EPS15: variants seen among roughly 807,000 people sequenced by gnomAD.
The protein encoded by EPS15 is epidermal growth factor receptor pathway substrate 15.
Under a neutral mutation model 113.8 loss-of-function variants are expected in EPS15, and 72 were observed. The ratio of observed to expected loss-of-function variants is 0.63; its 90% CI spans 0.52 to 0.77. The LOEUF is 0.77. EPS15 is among the 30% of genes least tolerant of loss of function. The probability of loss-of-function intolerance (pLI) is 0.00; values close to 1 mark genes in which losing one functional copy is unlikely to be tolerated. For synonymous variants in EPS15, 344 were observed against 363.4 expected (o/e 0.95, Z 0.61); for missense variants, 1,048 against 1,045.8 (o/e 1.00, Z -0.03).
At chr1:51,374,565 T>C (rs149642981) in intron 21 of EPS15, among the ~76,000 whole-genome samples, 1,699 of 152,038 alleles carry the variant, frequency 0.011, 30 homozygotes, top group African/African-American at 0.038. Flanking sequence ...GATTGCGCCA[T>C]TGCACTCCAG....
At position 51,393,437 on chromosome 1, in the gene EPS15, A is replaced by G. The variant is rs1055721376; in HGVS notation, c.2119+944T>C. On this transcript the variant is annotated intron_variant, in intron 21 of 24. Coordinates refer to ENST00000371733, the MANE Select transcript of EPS15 (RefSeq NM_001981.3). ...GTTGGCCAGGCTGGTCTCGACCTCA[A>G]GTGATCTACCTGCCTTGGTTTCCCA... is the stretch of plus-strand genomic sequence containing the variant. Among the ~76,000 whole-genome samples the G allele has an allele frequency of 7.2e-5, 11 of 152,180 alleles. 1 individual carries two copies. Among genetic ancestry groups the G allele is most frequent in the African/African-American group, 2.7e-4 (11 of 41,442 alleles).
chr1:51,417,805 G>A (rs2148444433), intron 13 of EPS15, among the ~76,000 whole-genome samples: 1 of 152,318 alleles, frequency 6.6e-6, no homozygotes, highest in South Asian at 2.1e-4. Flanking sequence ...ATAAGAAGGA[G>A]AATATATATG....
At chr1:51,395,837 T>A (rs1031695788) in intron 20 of EPS15, among the ~76,000 whole-genome samples, 6 of 152,228 alleles carry the variant, frequency 3.9e-5, no homozygotes, top group African/African-American at 1.4e-4. Context: ...AACATTTATA[T>A]GCAACTCTGA....
chr1:51,406,402 G>A (rs753955036), intron 15 of EPS15, among the ~76,000 whole-genome samples: 1 of 152,150 alleles, frequency 6.6e-6, no homozygotes, highest in Non-Finnish European at 1.5e-5. Flanking sequence ...CTTGAGCCCA[G>A]AGGTCAAGGC....
In EPS15 at chr1:51,421,801, CCT is replaced by C; in HGVS notation, c.1096_1097del (p.Arg366AspfsTer3). 1 of 1,593,248 alleles carries C rather than the reference CCT, an allele frequency of 6.3e-7. No individual in the cohort carries two copies. Among genetic ancestry groups the C allele is most frequent in the South Asian group, 1.2e-5 (1 of 86,598 alleles). On this transcript the variant is annotated frameshift_variant, in exon 13 of 25. Coordinates refer to ENST00000371733, the MANE Select transcript of EPS15 (RefSeq NM_001981.3). LOFTEE classifies it high-confidence loss of function. ...LKEKEDTIKQRTSEVQDLQDE... is the reference protein window; with the variant it reads ...LKEKEDTIKQXTSEVQDLQDE... ...GGTCACTTACCTGAACCTCACTTGT[CCT>C]CTGTTTAATAGTATCTTCCTTCTCC...
intron 22 of EPS15, among the ~76,000 whole-genome samples, chr1:51,364,968 T>C (rs777086268): frequency 5.9e-5 from 9 of 152,044 alleles, no homozygotes; most frequent in Non-Finnish European, 1.2e-4. Flanking sequence ...CAGCTGGGAT[T>C]ACAGGTGCGT....
chr1:51,425,131 A>T (rs1226485032), intron 12 of EPS15, among the ~76,000 whole-genome samples: 1 of 152,190 alleles, frequency 6.6e-6, no homozygotes, highest in Non-Finnish European at 1.5e-5. Flanking sequence ...ATAAAGAACA[A>T]GCCAAGAATA....
At position 51,463,717 on chromosome 1, in the gene EPS15, G is replaced by T; in HGVS notation, c.457C>A (p.Pro153Thr). ...GGTAACTTAGAGTTGAGCAACACTG[G>T]TTTCACTTTATCACCAGACAGAAAT... ...NGFLSGDKVK[P>T]VLLNSKLPVD... The change falls in exon 7 of 25, where the codon CCA (proline) becomes ACA (threonine). Residue 153 changes from proline (P) to threonine (T), a missense_variant. By Grantham distance (38) the Pro-to-Thr change is conservative (BLOSUM62 -1). Transcript: ENST00000371733. The T allele has an allele frequency of 6.2e-7, 1 of 1,600,840 alleles. No individual in the cohort carries two copies. Among genetic ancestry groups the T allele is most frequent in the East Asian group, 2.2e-5 (1 of 44,660 alleles).
At chr1:51,493,272 A>G (rs1371611332) in intron 1 of EPS15, among the ~76,000 whole-genome samples, 1 of 151,752 alleles carries the variant, frequency 6.6e-6, no homozygotes, top group Non-Finnish European at 1.5e-5. Context: ...GAGGCAGGAG[A>G]ATGGCGTGAA....
intron 21 of EPS15, among the ~76,000 whole-genome samples, chr1:51,380,362 T>C (rs182007605): frequency 1.3e-4 from 20 of 152,314 alleles, no homozygotes; most frequent in African/African-American, 4.8e-4. Context: ...TAAAAAATAG[T>C]ATTACTATAA....
chr1:51,447,689 G>A (rs754739425), intron 9 of EPS15, among the ~76,000 whole-genome samples: 7 of 152,164 alleles, frequency 4.6e-5, no homozygotes, highest in Non-Finnish European at 8.8e-5. Context: ...TGTTAGCATG[G>A]AGCATCTTCC....
In EPS15 at chr1:51,417,409, A is replaced by C. The variant is rs1650341374; in HGVS notation, c.1113+4377T>G. On this transcript the variant is annotated intron_variant, in intron 13 of 24. Coordinates refer to ENST00000371733, the MANE Select transcript of EPS15 (RefSeq NM_001981.3). ...AATTGTATACACAAAACCAAAGTTT[A>C]TTCACTTCTGCTGTGAACAGCTTCC... 5.3e-5 allele frequency among the ~76,000 whole-genome samples: 8 copies of C among 152,346 alleles called. No homozygotes were observed. The South Asian group carries it at 1.7e-3, about 32-fold the overall frequency.
intron 24 of EPS15, among the ~76,000 whole-genome samples, chr1:51,357,389 AAAATATATATATATAT>A (rs1413247936): frequency 1.6e-4 from 9 of 57,664 alleles, no homozygotes; most frequent in African/African-American, 3.7e-4. Flanking sequence ...AAAAAAAAAA[AAAATATATATATATAT>A]ATATATATAT....
At chr1:51,432,174 A>G (rs1044927702) in intron 12 of EPS15, among the ~76,000 whole-genome samples, 14 of 152,152 alleles carry the variant, frequency 9.2e-5, no homozygotes, top group African/African-American at 3.4e-4. Flanking sequence ...ATACATCTCA[A>G]TAATTATTGC....
chr1:51,381,390 C>T (rs139585156), intron 21 of EPS15, among the ~76,000 whole-genome samples: 3,195 of 152,116 alleles, frequency 0.021, 52 homozygotes, highest in Non-Finnish European at 0.031. Context: ...ATCAGGAGTT[C>T]GAGACCAGCC....
chr1:51,436,435 T>C (rs1490586815), intron 12 of EPS15, among the ~76,000 whole-genome samples: 2 of 152,092 alleles, frequency 1.3e-5, no homozygotes, highest in Admixed American at 6.5e-5. Flanking sequence ...TTCAACAATA[T>C]TGAAAAAATT....
intron 21 of EPS15, among the ~76,000 whole-genome samples, chr1:51,390,302 A>G (rs1409446681): frequency 6.6e-6 from 1 of 152,114 alleles, no homozygotes; most frequent in Non-Finnish European, 1.5e-5. Context: ...TACACCTTAT[A>G]CAAAAATTAA....
intron 22 of EPS15, 130 bp from the exon 23 acceptor site, chr1:51,364,158 A>C (rs1164982767): frequency 2.8e-6 from 2 of 706,810 alleles, no homozygotes; most frequent in African/African-American, 3.7e-5. Context: ...TGAAATTTTA[A>C]CCTTTGCATT....
intron 13 of EPS15, among the ~76,000 whole-genome samples, chr1:51,410,493 A>G (rs1473675122): frequency 6.6e-6 from 1 of 152,188 alleles, no homozygotes. Flanking sequence ...TCAGTGTAGG[A>G]AAAGATTTCT....
Sources: gnomAD v4.1 joint callset for allele counts (sites outside exome capture counted in the v4.1 genomes callset) on GRCh38, gnomAD v4.1.1 for gene constraint, MANE v1.5 for transcripts, NCBI Gene and HGNC (gene_info 2026-07-23, HGNC 2026-07-21) for gene names.